The following RIMS2 variants were observed in gnomAD, a reference collection of about 807,000 sequenced individuals.
The protein encoded by RIMS2 is regulating synaptic membrane exocytosis 2.
In RIMS2, 59 loss-of-function variants were observed where a neutral mutation model predicts 174.4. The ratio of observed to expected loss-of-function variants is 0.34; its 90% confidence interval spans 0.27 to 0.42. The LOEUF is 0.42. RIMS2 is among the 10% of genes least tolerant of loss of function. RIMS2 has a pLI of 1.00. For missense variants in RIMS2, 1,620 were observed against 1,666.3 expected (o/e 0.97, Z 0.48); for synonymous variants, 606 against 572.5 (o/e 1.06, Z -0.84).
At chr8:104,132,294 G>T (rs1432284590) in intron 19 of RIMS2, among the ~76,000 whole-genome samples, 3 of 152,024 alleles carry the variant, frequency 2.0e-5, no homozygotes, top group African/African-American at 7.2e-5. Context: ...TTTGTCTTCT[G>T]TAACAGAATT....
chr8:103,926,959 T>C (rs551746144), intron 10 of RIMS2, among the ~76,000 whole-genome samples: 3 of 151,636 alleles, frequency 2.0e-5, no homozygotes, highest in Non-Finnish European at 4.4e-5. Context: ...CTTTACACTA[T>C]CTTGCTTTTT....
chr8:104,080,634 A>T (rs997580480), intron 19 of RIMS2, among the ~76,000 whole-genome samples: 1 of 152,202 alleles, frequency 6.6e-6, no homozygotes, highest in South Asian at 2.1e-4. Context: ...ATCCAGGGTA[A>T]CATGGAACCA....
At chr8:103,507,046 T>G (rs942362463) in intron 1 of RIMS2, among the ~76,000 whole-genome samples, 1 of 152,182 alleles carries the variant, frequency 6.6e-6, no homozygotes, top group Non-Finnish European at 1.5e-5. Context: ...CTATTTGTCT[T>G]ATTCACATTG....
chr8:104,155,322 G>A lies in RIMS2; in HGVS notation c.3335-89594G>A, dbSNP rs183739570. On this transcript the variant is annotated intron_variant, in intron 19 of 23. Transcript: ENST00000504942. ...AGGGTTTCACCGTGTTACCCAGGATGGTCTCGATCTCCTGACCTCGTGATC... is the reference window on the plus strand; with the variant it reads ...AGGGTTTCACCGTGTTACCCAGGATAGTCTCGATCTCCTGACCTCGTGATC... Among the ~76,000 whole-genome samples the A allele has an allele frequency of 1.4e-3, 214 of 151,076 alleles. 1 individual carries two copies. The highest frequency in any genetic ancestry group is 5.1e-3 in the African/African-American group (211 of 41,088).
chr8:104,106,534 A>G (rs1035171595), intron 19 of RIMS2, among the ~76,000 whole-genome samples: 1 of 152,142 alleles, frequency 6.6e-6, no homozygotes, highest in Non-Finnish European at 1.5e-5. Flanking sequence ...CTTGTCTGCT[A>G]TAGGGATAAA....
chr8:104,174,858 A>G (rs191320745), intron 19 of RIMS2, among the ~76,000 whole-genome samples: 8 of 152,272 alleles, frequency 5.3e-5, no homozygotes, highest in Admixed American at 5.2e-4. Flanking sequence ...ATCCCTATTA[A>G]AGTGTTTTCA....
intron 1 of RIMS2, among the ~76,000 whole-genome samples, chr8:103,585,976 CTA>C (rs752351467): frequency 9.7e-5 from 14 of 144,624 alleles, no homozygotes; most frequent in Non-Finnish European, 2.0e-4. Context: ...GATCTCAAGA[CTA>C]AAATGATAAA....
At chr8:103,838,881 C>T (rs13251836) in intron 3 of RIMS2, among the ~76,000 whole-genome samples, 19,896 of 152,034 alleles carry the variant, frequency 0.13, 1,768 homozygotes, top group Non-Finnish European at 0.2. Flanking sequence ...CTGGCTAACA[C>T]GGTGAAACCC....
chr8:103,757,297 T>C (rs903828024), intron 2 of RIMS2, among the ~76,000 whole-genome samples: 1 of 152,214 alleles, frequency 6.6e-6, no homozygotes, highest in African/African-American at 2.4e-5. Flanking sequence ...ATTTTATGAA[T>C]GCTGAATGGT....
intron 1 of RIMS2, among the ~76,000 whole-genome samples, chr8:103,545,213 A>G (rs1360946822): frequency 6.6e-6 from 1 of 152,230 alleles, no homozygotes; most frequent in Non-Finnish European, 1.5e-5. Flanking sequence ...GAATTGATAG[A>G]TTGGCTGTAT....
chr8:104,124,396 A>G (rs915555583), intron 19 of RIMS2, among the ~76,000 whole-genome samples: 1 of 152,174 alleles, frequency 6.6e-6, no homozygotes, highest in African/African-American at 2.4e-5. Flanking sequence ...TTAAAAATAT[A>G]TCACTTGGTT....
chr8:104,250,460 TA>T (rs1245740981), intron 22 of RIMS2, among the ~76,000 whole-genome samples: 1 of 152,154 alleles, frequency 6.6e-6, no homozygotes, highest in Non-Finnish European at 1.5e-5. Flanking sequence ...CACTCTGCTA[TA>T]AAAAAATCAT....
intron 19 of RIMS2, among the ~76,000 whole-genome samples, chr8:104,229,717 A>G (rs1484704821): frequency 1.3e-5 from 2 of 152,012 alleles, no homozygotes; most frequent in Non-Finnish European, 2.9e-5. Flanking sequence ...ATCCAAGTTC[A>G]CCTGTCACAG....
At chr8:104,094,033 T>A (rs531444709) in intron 19 of RIMS2, among the ~76,000 whole-genome samples, 1 of 152,100 alleles carries the variant, frequency 6.6e-6, no homozygotes, top group East Asian at 1.9e-4. Context: ...ACTTTTTCAG[T>A]AGGATGCTTT....
At chr8:103,704,324 A>G (rs897332324) in intron 2 of RIMS2, among the ~76,000 whole-genome samples, 1 of 151,650 alleles carries the variant, frequency 6.6e-6, no homozygotes, top group African/African-American at 2.4e-5. Context: ...GATTGTGGTG[A>G]TTGATCTTTA....
At chr8:104,231,901 A>G (rs2099231591) in intron 19 of RIMS2, among the ~76,000 whole-genome samples, 1 of 152,248 alleles carries the variant, frequency 6.6e-6, no homozygotes, top group Non-Finnish European at 1.5e-5. Context: ...TCAGGTGTTC[A>G]GTAGCTACGT....
intron 2 of RIMS2, among the ~76,000 whole-genome samples, chr8:103,734,179 A>ATT: frequency 6.6e-6 from 1 of 151,430 alleles, no homozygotes; most frequent in East Asian, 2.0e-4. Context: ...CACCCAGCTA[A>ATT]TTTTTGTATT....
intron 1 of RIMS2, among the ~76,000 whole-genome samples, chr8:103,540,175 G>T (rs1000827793): frequency 6.6e-6 from 1 of 152,160 alleles, no homozygotes; most frequent in Non-Finnish European, 1.5e-5. Flanking sequence ...AGCTCCATGG[G>T]TACTTTACAG....
At chr8:103,503,022 T>C (rs897927070) in intron 1 of RIMS2, among the ~76,000 whole-genome samples, 2 of 152,010 alleles carry the variant, frequency 1.3e-5, no homozygotes, top group African/African-American at 4.8e-5. Context: ...TCAATACATA[T>C]AATATTTACA....
Sources: allele counts gnomAD v4.1 joint callset (sites outside exome capture counted in the v4.1 genomes callset), GRCh38; gene constraint gnomAD v4.1.1; transcripts MANE v1.5; gene names NCBI Gene and HGNC (gene_info 2026-07-23, HGNC 2026-07-21).